ZC3H12C: variants seen among roughly 807,000 people sequenced by gnomAD.
ZC3H12C encodes zinc finger CCCH-type containing 12C.
A neutral mutation model predicts 76.3 loss-of-function variants in ZC3H12C; 20 were observed. The observed-to-expected ratio is 0.26, with a 90% confidence interval of 0.18 to 0.38. The LOEUF is 0.38. Ranked by LOEUF, ZC3H12C falls within the 10% of genes least tolerant of loss-of-function variation. The pLI, the probability that ZC3H12C is intolerant of heterozygous loss-of-function variation, is 1.00. For synonymous variants in ZC3H12C, 352 were observed against 399.6 expected (o/e 0.88, Z 1.42); for missense variants, 874 against 1,086.5 (o/e 0.80, Z 2.75).
chr11:110,127,285 GGTTTAAAGTTA>G (rs1326705495), intron 1 of ZC3H12C, among the ~76,000 whole-genome samples: 1 of 152,102 alleles, frequency 6.6e-6, no homozygotes, highest in Non-Finnish European at 1.5e-5. Context: ...ATTGTTTTGT[GGTTTAAAGTTA>G]GTCTTTAACA....
In ZC3H12C at chr11:110,152,237, G is replaced by A. The variant is rs577298237; in HGVS notation, c.774-682G>A. ...TTGGGCATTTTCTTTTAGGCACTAAGGCTGCTAATCCAATTTTGAATGCCC... is the reference window on the plus strand; with the variant it reads ...TTGGGCATTTTCTTTTAGGCACTAAAGCTGCTAATCCAATTTTGAATGCCC... On this transcript the variant is annotated intron_variant, in intron 2 of 5. Coordinates refer to ENST00000278590, the MANE Select transcript of ZC3H12C (RefSeq NM_033390.2). Among the ~76,000 whole-genome samples, 11 of 152,294 alleles carry A rather than the reference G, an allele frequency of 7.2e-5. No individual in the cohort carries two copies. In the South Asian group the frequency reaches 2.3e-3, roughly 32 times the overall value.
At chr11:110,101,547 AT>A (rs71476066) in intron 1 of ZC3H12C, among the ~76,000 whole-genome samples, 52,765 of 135,176 alleles carry the variant, frequency 0.39, 9,723 homozygotes, top group East Asian at 0.71. Context: ...AATCAATGCT[AT>A]TTTTTTTTTT....
intron 4 of ZC3H12C, among the ~76,000 whole-genome samples, chr11:110,162,936 GTTGAT>G (rs1290385004): frequency 2.6e-5 from 4 of 152,086 alleles, no homozygotes; most frequent in African/African-American, 9.7e-5. Context: ...TGAGGTGTAT[GTTGAT>G]AAAGCTCTCC....
chr11:110,123,400 G>A (rs1403638844), intron 1 of ZC3H12C, among the ~76,000 whole-genome samples: 1 of 152,204 alleles, frequency 6.6e-6, no homozygotes, highest in African/African-American at 2.4e-5. Context: ...AATATTGGAT[G>A]AAGTCCTGGG....
intron 2 of ZC3H12C, among the ~76,000 whole-genome samples, chr11:110,148,572 G>A (rs903487252): frequency 2.6e-5 from 4 of 152,086 alleles, no homozygotes; most frequent in Admixed American, 1.3e-4. Context: ...ACCTAATCAC[G>A]GGTGACCACA....
chr11:110,110,738 G>C (rs1305852459), intron 1 of ZC3H12C, among the ~76,000 whole-genome samples: 1 of 151,978 alleles, frequency 6.6e-6, no homozygotes, highest in Non-Finnish European at 1.5e-5. Context: ...GAGAGCCTCT[G>C]ACTGGTCCTA....
intron 1 of ZC3H12C, among the ~76,000 whole-genome samples, chr11:110,132,919 C>A (rs1360301533): frequency 1.3e-5 from 2 of 151,990 alleles, no homozygotes; most frequent in East Asian, 3.8e-4. Context: ...TGTTAATGGT[C>A]TTTTCCGTTC....
intron 1 of ZC3H12C, among the ~76,000 whole-genome samples, chr11:110,121,991 C>T (rs1462449074): frequency 1.3e-5 from 2 of 152,116 alleles, no homozygotes; most frequent in Non-Finnish European, 2.9e-5. Context: ...TGCAATTATC[C>T]TTTGTAGTCT....
intron 3 of ZC3H12C, 101 bp from the exon 4 acceptor site, chr11:110,159,155 T>C: frequency 1.2e-6 from 1 of 849,144 alleles, no homozygotes; most frequent in Non-Finnish European, 1.9e-6. Context: ...AAGGATTTCA[T>C]ATATACAGCT....
intron 1 of ZC3H12C, among the ~76,000 whole-genome samples, chr11:110,124,683 T>C (rs1484154706): frequency 6.6e-6 from 1 of 152,196 alleles, no homozygotes; most frequent in East Asian, 1.9e-4. Context: ...GAGACATCTG[T>C]GCCCTCACTT....
rs1200373187 is a variant in ZC3H12C at position 110,117,817 on chromosome 11, TAC to T, written c.22-18836_22-18835del. Among the ~76,000 whole-genome samples the T allele has an allele frequency of 6.5e-4, 67 of 102,350 alleles. 5 individuals are homozygous for T. The highest frequency in any genetic ancestry group is 2.5e-3 in the African/African-American group (62 of 24,586). 67.1% of individuals were successfully genotyped at this position (102,350 alleles called of 152,430 possible). ...TATATTATATATACACACATATATA[TAC>T]ACACACACATATAATATATATATAC... On this transcript the variant is annotated intron_variant, in intron 1 of 5. Transcript: ENST00000278590.
At chr11:110,144,694 C>A (rs1359917915) in intron 2 of ZC3H12C, among the ~76,000 whole-genome samples, 1 of 151,974 alleles carries the variant, frequency 6.6e-6, no homozygotes, top group Non-Finnish European at 1.5e-5. Context: ...TTTTAACAAG[C>A]ATTATATAAT....
intron 1 of ZC3H12C, among the ~76,000 whole-genome samples, chr11:110,102,611 G>A (rs1343483136): frequency 6.6e-6 from 1 of 152,176 alleles, no homozygotes; most frequent in African/African-American, 2.4e-5. Context: ...CAACCTAGTT[G>A]ACAAAGCAGT....
chr11:110,162,000 G>A (rs1441668881), intron 4 of ZC3H12C, among the ~76,000 whole-genome samples: 1 of 152,194 alleles, frequency 6.6e-6, no homozygotes, highest in Admixed American at 6.5e-5. Context: ...TGGGCATAGT[G>A]GTGGGCGCCT....
chr11:110,161,318 A>G (rs1402642828), intron 4 of ZC3H12C, among the ~76,000 whole-genome samples: 1 of 152,178 alleles, frequency 6.6e-6, no homozygotes, highest in Non-Finnish European at 1.5e-5. Flanking sequence ...ACCGTCATAT[A>G]TGCAGTCCAT....
At chr11:110,114,110 C>T (rs974078148) in intron 1 of ZC3H12C, among the ~76,000 whole-genome samples, 10 of 152,168 alleles carry the variant, frequency 6.6e-5, no homozygotes, top group Admixed American at 6.5e-5. Context: ...ACTGACTAGC[C>T]GCTTCTCCGG....
chr11:110,156,164 G>A (rs1234544774), intron 3 of ZC3H12C, among the ~76,000 whole-genome samples: 1 of 17,932 alleles, frequency 5.6e-5, no homozygotes, highest in African/African-American at 1.0e-4. Context: ...ATATTTTTAG[G>A]TATTATAGGT....
chr11:110,112,204 T>C (rs1861444656), intron 1 of ZC3H12C, among the ~76,000 whole-genome samples: 1 of 152,198 alleles, frequency 6.6e-6, no homozygotes, highest in Non-Finnish European at 1.5e-5. Flanking sequence ...TTGGAACATA[T>C]ACATATATTT....
chr11:110,116,208 C>A (rs1387885944), intron 1 of ZC3H12C, among the ~76,000 whole-genome samples: 1 of 152,248 alleles, frequency 6.6e-6, no homozygotes, highest in Admixed American at 6.5e-5. Flanking sequence ...CATTTCCAAG[C>A]GTTCTTACAC....
Sources: allele counts gnomAD v4.1 joint callset (sites outside exome capture counted in the v4.1 genomes callset), GRCh38; gene constraint gnomAD v4.1.1; transcripts MANE v1.5; gene names NCBI Gene and HGNC (gene_info 2026-07-23, HGNC 2026-07-21).